Variants in UNC79 observed in about 807,000 individuals in gnomAD.
The protein encoded by UNC79 is protein unc-79 homolog.
UNC79 carries 37 observed loss-of-function variants against 283.1 expected under a neutral mutation model. That is an observed-to-expected ratio of 0.13 (90% CI 0.10 to 0.17). The LOEUF (loss-of-function observed/expected upper bound fraction) is 0.17. Among genes scored for constraint, UNC79 ranks in the 10% least tolerant of loss-of-function variants. The probability of loss-of-function intolerance (pLI) is 1.00; values close to 1 mark genes in which losing one functional copy is unlikely to be tolerated. For synonymous variants in UNC79, 1,107 were observed against 1,200.2 expected (o/e 0.92, Z 1.61); for missense variants, 2,272 against 3,211.1 (o/e 0.71, Z 7.07).
At position 93,637,141 on chromosome 14, in the gene UNC79, T is replaced by C. The variant is rs2068575709; in HGVS notation, c.5717-75T>C. The C allele has an allele frequency of 4.8e-6, 4 of 829,822 alleles. No homozygotes were observed. The East Asian group carries it at 7.2e-5, about 15-fold the overall frequency. The allele number at this position is 829,822 out of a possible 1,614,324, so 51.4% of individuals were successfully genotyped here. On this transcript the variant is annotated intron_variant, in intron 31 of 48. Coordinates refer to ENST00000555664, the Ensembl canonical transcript of UNC79. The stretch of plus-strand genomic sequence containing the variant: ...CCAAAAAATTGGCCCCCAGAGATGA[T>C]TGGTTAAATTCTTTGTGTTCTAAAT...
chr14:93,676,507 T>C (rs1006695054), intron 41 of UNC79, among the ~76,000 whole-genome samples: 12 of 152,150 alleles, frequency 7.9e-5, no homozygotes, highest in African/African-American at 2.7e-4. Context: ...AGTGTTGCAG[T>C]TGGAGATGTG....
intron 2 of UNC79, among the ~76,000 whole-genome samples, chr14:93,470,641 A>G (rs1395518144): frequency 1.3e-5 from 2 of 152,186 alleles, no homozygotes; most frequent in African/African-American, 2.4e-5. Context: ...AGTTAATGCT[A>G]TTTACTTAAT....
chr14:93,570,124 T>C (rs747849131), intron 14 of UNC79, among the ~76,000 whole-genome samples: 3 of 152,074 alleles, frequency 2.0e-5, no homozygotes, highest in African/African-American at 4.8e-5. Context: ...TTTAAAAAAA[T>C]TTTGTTTAGA....
intron 1 of UNC79, among the ~76,000 whole-genome samples, chr14:93,450,230 G>A (rs2056596230): frequency 6.6e-6 from 1 of 152,270 alleles, no homozygotes; most frequent in Non-Finnish European, 1.5e-5. Context: ...CTTAGAAGTA[G>A]GTCAAAGCAG....
At chr14:93,654,828 C>G (rs541415111) in intron 37 of UNC79, among the ~76,000 whole-genome samples, 3 of 152,110 alleles carry the variant, frequency 2.0e-5, no homozygotes, top group African/African-American at 7.2e-5. Flanking sequence ...GGGTTCAAGT[C>G]TCAGCACTGC....
intron 26 of UNC79, among the ~76,000 whole-genome samples, chr14:93,608,695 C>T (rs1044459652): frequency 1.3e-5 from 2 of 152,156 alleles, no homozygotes; most frequent in Admixed American, 1.3e-4. Flanking sequence ...TCCTTTCTTC[C>T]TCTACCTAAT....
intron 5 of UNC79, among the ~76,000 whole-genome samples, chr14:93,495,504 C>T (rs906878454): frequency 3.9e-5 from 6 of 152,082 alleles, no homozygotes; most frequent in Non-Finnish European, 7.4e-5. Flanking sequence ...ACAGCTTAAC[C>T]ATATCAATTG....
At chr14:93,691,649 C>G (rs1054626557) in intron 45 of UNC79, 100 bp from the exon 49 acceptor site, 10 of 1,251,074 alleles carry the variant, frequency 8.0e-6, no homozygotes, top group Non-Finnish European at 1.2e-5. Flanking sequence ...TTGTGCTTCC[C>G]CTGTGCTCCC....
At chr14:93,486,562 G>A (rs947350004) in intron 4 of UNC79, among the ~76,000 whole-genome samples, 1 of 150,936 alleles carries the variant, frequency 6.6e-6, no homozygotes, top group Admixed American at 6.6e-5. Flanking sequence ...GCCGAGGCAG[G>A]AGAATCGCTT....
In UNC79 at chr14:93,690,420, A is replaced by T. The variant is rs2074592192; in HGVS notation, c.7272+117A>T. 4 of 1,212,792 alleles carry T rather than the reference A, an allele frequency of 3.3e-6. No individual in the cohort carries two copies. The highest frequency in any genetic ancestry group is 3.4e-6 in the Non-Finnish European group (3 of 884,906). 75.1% of individuals were successfully genotyped at this position (1,212,792 alleles called of 1,614,324 possible). A position where few individuals can be genotyped will look rare whatever the true frequency, so the allele number is the denominator to read the frequency against. On this transcript the variant is annotated intron_variant, in intron 45 of 48. Transcript: ENST00000555664. This position sits in a 1 kb window ranked among gnomAD's most constrained non-coding sequence, Gnocchi z 4.3. Reference sequence around the variant, plus strand: ...CATCTTATCATTTGCCCTCCTGTGGATGTTAGAAACACAACTTTGTGCTAA... The same window carrying T: ...CATCTTATCATTTGCCCTCCTGTGGTTGTTAGAAACACAACTTTGTGCTAA...
chr14:93,641,107 A>G lies in UNC79; in HGVS notation c.5801-38A>G, dbSNP rs45536636. ...GGCCTTTCTTGGCCCCTTGAAGCTC[A>G]TCTATATTCACTGGTTGTCCCTTTG... On this transcript the variant is annotated intron_variant, in intron 32 of 48. Coordinates refer to ENST00000555664, the Ensembl canonical transcript of UNC79. 8,244 of 1,582,508 alleles carry G rather than the reference A, an allele frequency of 5.2e-3. 33 individuals are homozygous for G. Among genetic ancestry groups the G allele is most frequent in the Non-Finnish European group, 6.3e-3 (7,273 of 1,156,080 alleles).
intron 7 of UNC79, among the ~76,000 whole-genome samples, chr14:93,509,648 A>T (rs998154865): frequency 1.3e-5 from 2 of 152,198 alleles, no homozygotes; most frequent in Non-Finnish European, 2.9e-5. Context: ...GACTCCATGT[A>T]TCACATCCAG....
chr14:93,444,046 G>A (rs1180785483), intron 1 of UNC79, among the ~76,000 whole-genome samples: 1 of 152,152 alleles, frequency 6.6e-6, no homozygotes, highest in Non-Finnish European at 1.5e-5. Context: ...TGGCTGTAAG[G>A]TTTTATGTTC....
intron 31 of UNC79, among the ~76,000 whole-genome samples, chr14:93,631,898 G>A (rs1265939035): frequency 2.0e-5 from 3 of 152,214 alleles, no homozygotes; most frequent in Admixed American, 2.0e-4. Flanking sequence ...GGAGTTTGCA[G>A]TCATAATAGT....
At chr14:93,466,835 G>A (rs535032777) in intron 1 of UNC79, 37 of 985,172 alleles carry the variant, frequency 3.8e-5, no homozygotes, top group Non-Finnish European at 4.5e-5. Flanking sequence ...TGACTAGAAC[G>A]GGGTCCTTCA....
At chr14:93,702,298 G>A (rs76110109) in intron 47 of UNC79, among the ~76,000 whole-genome samples, 2,621 of 152,166 alleles carry the variant, frequency 0.017, 77 homozygotes, top group African/African-American at 0.06. Context: ...GGAGAGGGTG[G>A]CATCTTCTGA....
chr14:93,474,276 G>A lies in UNC79; in HGVS notation c.331G>A (p.Gly111Ser), dbSNP rs868824750. ...CCTGCGAGATGCTCCCTCAGAACGCGGCCCGCAAAGTCGTGATGCTCAGTT... is the reference window on the plus strand; with the variant it reads ...CCTGCGAGATGCTCCCTCAGAACGCAGCCCGCAAAGTCGTGATGCTCAGTT... Residue 111 changes from glycine (G) to serine (S), a missense_variant, in exon 3 of 49, where the codon GGC (glycine) becomes AGC (serine). Physicochemically the swap from Gly to Ser is moderately conservative, Grantham distance 56 (BLOSUM62 0). Around this residue, in one of 11 missense-constraint regions of UNC79, gnomAD observed 194 missense variants for 268.9 expected, o/e 0.72. Coordinates refer to ENST00000555664, the Ensembl canonical transcript of UNC79. The surrounding 1 kb of genome is among the most constrained non-coding windows in gnomAD (Gnocchi z 4.1). The A allele has an allele frequency of 1.3e-6, 2 of 1,536,020 alleles. No individual in the cohort carries two copies. The highest frequency in any genetic ancestry group is 1.7e-6 in the Non-Finnish European group (2 of 1,146,858).
Position 93,363,407 on chromosome 14 carries a change from G to A in UNC79, c.-351+29884G>A, listed in dbSNP as rs561833562. ...TTGTGTGGTTGGGTTTAAAGTATGTGCCATGTGCCTCTGGGAAGAATGCAT... is the reference window on the plus strand; with the variant it reads ...TTGTGTGGTTGGGTTTAAAGTATGTACCATGTGCCTCTGGGAAGAATGCAT... On this transcript the variant is annotated intron_variant, in intron 1 of 49. Coordinates refer to the UNC79 transcript ENST00000256339. Among the ~76,000 whole-genome samples the A allele has an allele frequency of 3.2e-4, 49 of 152,328 alleles. No individual in the cohort carries two copies. The South Asian group carries it at 4.8e-3, about 15-fold the overall frequency.
intron 6 of UNC79, 110 bp from the exon 7 acceptor site, chr14:93,497,047 C>T (rs893749435): frequency 1.7e-6 from 2 of 1,202,248 alleles, no homozygotes. Flanking sequence ...AGGGAAATTA[C>T]TCACCTCAAT....
Sources: gnomAD v4.1 joint callset for allele counts (sites outside exome capture counted in the v4.1 genomes callset) on GRCh38, gnomAD v4.1.1 for gene constraint, gnomAD v4.1.1 regional missense constraint, Gnocchi (gnomAD v3.1) non-coding constraint, MANE v1.5 for transcripts, NCBI Gene and HGNC (gene_info 2026-07-23, HGNC 2026-07-21) for gene names.